The following BAIAP2 variants were observed in gnomAD, a reference collection of about 807,000 sequenced individuals.
BAIAP2 encodes BAR/IMD domain-containing adapter protein 2.
A neutral mutation model predicts 63.0 loss-of-function variants in BAIAP2; 18 were observed. That is an observed-to-expected ratio of 0.29 (90% confidence interval 0.20 to 0.42). The LOEUF (loss-of-function observed/expected upper bound fraction) is 0.42, where lower values mean the gene tolerates loss of function less well. Ranked by LOEUF, BAIAP2 falls within the 10% of genes least tolerant of loss-of-function variation. The probability of loss-of-function intolerance (pLI) is 1.00; values close to 1 mark genes in which losing one functional copy is unlikely to be tolerated. For missense variants in BAIAP2, 610 were observed against 734.3 expected (o/e 0.83, Z 1.96); for synonymous variants, 386 against 307.6 (o/e 1.25, Z -2.67).
intron 7 of BAIAP2, among the ~76,000 whole-genome samples, chr17:81,102,136 C>T (rs1006213049): frequency 3.3e-5 from 5 of 151,034 alleles, no homozygotes; most frequent in Non-Finnish European, 5.9e-5. Context: ...TGGAAGAGGC[C>T]TGTGTCCCAC....
intron 7 of BAIAP2, among the ~76,000 whole-genome samples, chr17:81,101,797 C>G (rs958234144): frequency 6.6e-6 from 1 of 152,238 alleles, no homozygotes; most frequent in Non-Finnish European, 1.5e-5. Flanking sequence ...GCAGCAGCAC[C>G]TTTGACCCCT....
intron 6 of BAIAP2, among the ~76,000 whole-genome samples, chr17:81,088,672 T>G (rs1469006183): frequency 6.6e-6 from 1 of 152,148 alleles, no homozygotes; most frequent in Non-Finnish European, 1.5e-5. Context: ...TGCCGTAGCC[T>G]GCGCCAGCCT....
At chr17:81,113,084 A>G (rs2060099438) in intron 13 of BAIAP2, among the ~76,000 whole-genome samples, 1 of 152,110 alleles carries the variant, frequency 6.6e-6, no homozygotes, top group Non-Finnish European at 1.5e-5. Flanking sequence ...AAAATTAGAA[A>G]AGCCACCGGT....
At chr17:81,044,276 G>A (rs1181216082) in intron 1 of BAIAP2, among the ~76,000 whole-genome samples, 2 of 152,236 alleles carry the variant, frequency 1.3e-5, no homozygotes, top group Non-Finnish European at 2.9e-5. Context: ...CAGCGGCCTC[G>A]GGGATTCTTG....
chr17:81,035,572 C>A (rs2046115882), intron 1 of BAIAP2, among the ~76,000 whole-genome samples: 1 of 150,182 alleles, frequency 6.7e-6, no homozygotes, highest in East Asian at 2.0e-4. Context: ...CAGCCCCAGG[C>A]CCGGGGAGCA....
chr17:81,070,471 C>A (rs1319899200), intron 3 of BAIAP2, among the ~76,000 whole-genome samples: 2 of 152,218 alleles, frequency 1.3e-5, no homozygotes, highest in African/African-American at 4.8e-5. Flanking sequence ...AGACCTTAAA[C>A]CTCCTTGCGG....
At chr17:81,086,717 G>A (rs1258920408) in intron 6 of BAIAP2, 137 bp downstream of exon 6, 1 of 1,023,264 alleles carries the variant, frequency 9.8e-7, no homozygotes, top group Non-Finnish European at 1.4e-6. Context: ...GTCCCTGGTA[G>A]ACCTCGGGAG....
intron 1 of BAIAP2, among the ~76,000 whole-genome samples, chr17:81,047,793 C>T (rs940493992): frequency 9.6e-5 from 7 of 72,906 alleles, no homozygotes; most frequent in Non-Finnish European, 1.9e-4. Flanking sequence ...CCAGCTCATG[C>T]CCACAGCACA....
intron 13 of BAIAP2, among the ~76,000 whole-genome samples, chr17:81,111,415 A>C (rs892684700): frequency 2.0e-5 from 3 of 152,106 alleles, no homozygotes; most frequent in Non-Finnish European, 4.4e-5. Context: ...TCCTGGGGAG[A>C]ACCCTGGGGA....
chr17:81,108,647 G>A (rs374283042), intron 13 of BAIAP2, 138 bp downstream of exon 13: 157 of 1,176,724 alleles, frequency 1.3e-4, no homozygotes, highest in Non-Finnish European at 1.6e-4. Flanking sequence ...TGTCAGAGCC[G>A]GGGATGTCCC....
intron 7 of BAIAP2, among the ~76,000 whole-genome samples, chr17:81,102,149 A>T (rs547921598): frequency 6.6e-6 from 1 of 152,154 alleles, no homozygotes; most frequent in East Asian, 1.9e-4. Flanking sequence ...TGTCCCACAG[A>T]CCCACTTAGA....
chr17:81,068,417 C>G (rs1049078315), intron 3 of BAIAP2, among the ~76,000 whole-genome samples: 2 of 152,242 alleles, frequency 1.3e-5, no homozygotes, highest in African/African-American at 4.8e-5. Context: ...CTGAGGGGGT[C>G]TGTCCCCGGA....
At chr17:81,110,992 G>A (rs748952267) in intron 13 of BAIAP2, 1 of 1,613,066 alleles carries the variant, frequency 6.2e-7, no homozygotes, top group African/African-American at 1.3e-5. Flanking sequence ...GCAGTCACTG[G>A]CCTCTCCAGT....
chr17:81,104,019 C>T lies in BAIAP2; in HGVS notation c.977C>T (p.Pro326Leu), dbSNP rs1384450987. Residue 326 changes from proline (P) to leucine (L), a missense_variant, in exon 9 of 14, where the codon CCT becomes CTT. Pro to Leu is a moderately conservative substitution (Grantham distance 98, BLOSUM62 -3). Around this residue, in one of 5 missense-constraint regions of BAIAP2, gnomAD observed 389 missense variants for 455.6 expected, o/e 0.85. Transcript: ENST00000428708. Reference protein sequence around the residue: ...RKAAQPKSLSPPQSQSKLSDS... With the variant: ...RKAAQPKSLSLPQSQSKLSDS... ...GCTGCCCAGCCCAAATCCCTGTCTC[C>T]TCCGCAGTCTCAGAGCAAGCTCAGC... 1.2e-6 allele frequency: 2 copies of T among 1,613,260 alleles called. No homozygotes were observed. The highest frequency in any genetic ancestry group is 1.7e-5 in the Admixed American group (1 of 60,030).
At position 81,037,699 on chromosome 17, in the gene BAIAP2, G is replaced by A. The variant is rs150612167; in HGVS notation, c.54+2391G>A. Among the ~76,000 whole-genome samples, 1,103 of 152,366 alleles carry A rather than the reference G, an allele frequency of 7.2e-3. 11 individuals carry two copies. The highest frequency in any genetic ancestry group is 0.025 in the African/African-American group (1,024 of 41,590). Reference sequence around the variant, plus strand: ...GTTGGCGGCTTGCAGAGCCCTGGCAGTGCCTCTTGGAACGGCTGTGCTGTG... The same window carrying A: ...GTTGGCGGCTTGCAGAGCCCTGGCAATGCCTCTTGGAACGGCTGTGCTGTG... On this transcript the variant is annotated intron_variant, in intron 1 of 13. Transcript: ENST00000428708.
Position 81,110,980 on chromosome 17 carries a change from G to A in BAIAP2, c.1535+2471G>A, listed in dbSNP as rs149159500. 134 of 1,613,606 alleles carry A rather than the reference G, an allele frequency of 8.3e-5. 1 individual carries two copies. In the East Asian group the frequency reaches 1.1e-3, roughly 13 times the overall value. On this transcript the variant is annotated intron_variant, in intron 13 of 13. Transcript: ENST00000428708. ...AGTTAGTAAGTTGCCTGGCGTTCTC[G>A]TGCAGTCACTGGCCTCTCCAGTGGT...
At chr17:81,113,336 C>G (rs1285749533) in intron 13 of BAIAP2, among the ~76,000 whole-genome samples, 1 of 152,250 alleles carries the variant, frequency 6.6e-6, no homozygotes, top group Non-Finnish European at 1.5e-5. Flanking sequence ...CCATGTCCTG[C>G]AGGAGGTGGG....
At chr17:81,074,425 C>T (rs1021422098) in intron 3 of BAIAP2, among the ~76,000 whole-genome samples, 6 of 149,822 alleles carry the variant, frequency 4.0e-5, no homozygotes, top group African/African-American at 9.9e-5. Flanking sequence ...CGTGTGAGTA[C>T]GTGTGTGTAT....
At chr17:81,070,036 G>C (rs1038879614) in intron 3 of BAIAP2, among the ~76,000 whole-genome samples, 1 of 152,146 alleles carries the variant, frequency 6.6e-6, no homozygotes, top group Non-Finnish European at 1.5e-5. Context: ...GTCATACATA[G>C]CTCATTGCAG....
Sources: gnomAD v4.1 joint callset for allele counts (sites outside exome capture counted in the v4.1 genomes callset) on GRCh38, gnomAD v4.1.1 for gene constraint, gnomAD v4.1.1 regional missense constraint, MANE v1.5 for transcripts, NCBI Gene and HGNC (gene_info 2026-07-23, HGNC 2026-07-21) for gene names.